KCTD18: variants seen among roughly 807,000 people sequenced by gnomAD.
The protein encoded by KCTD18 is BTB/POZ domain-containing protein KCTD18.
Under a neutral mutation model 30.4 loss-of-function variants are expected in KCTD18, and 22 were observed. The ratio of observed to expected loss-of-function variants is 0.72; its 90% CI spans 0.52 to 1.03. The LOEUF (loss-of-function observed/expected upper bound fraction) is 1.03, where lower values mean the gene tolerates loss of function less well. Ranked by LOEUF, KCTD18 falls within the 50% of genes least tolerant of loss-of-function variation. KCTD18 has a pLI of 0.00. For synonymous variants in KCTD18, 186 were observed against 209.0 expected, an observed-to-expected ratio of 0.89 and a Z score of 0.95; for missense variants, 529 against 547.6, an observed-to-expected ratio of 0.97 and a Z score of 0.34.
Position 200,495,367 on chromosome 2 carries a change from G to A in KCTD18, c.662-2093C>T, listed in dbSNP as rs568213629. ...AACCCTCAATCATTAGACATTTAAA[G>A]TGTTTTTATTTTGTCTCTATTATGA... is the stretch of plus-strand genomic sequence containing the variant. On this transcript the variant is annotated intron_variant, in intron 5 of 6. Coordinates refer to ENST00000359878, the MANE Select transcript of KCTD18 (RefSeq NM_152387.4). Among the ~76,000 whole-genome samples the A allele has an allele frequency of 2.2e-3, 331 of 152,234 alleles. 1 individual carries two copies. Among genetic ancestry groups the A allele is most frequent in the African/African-American group, 7.6e-3 (316 of 41,540 alleles).
chr2:200,493,681 T>C (rs1029430678), intron 5 of KCTD18, among the ~76,000 whole-genome samples: 1 of 152,230 alleles, frequency 6.6e-6, no homozygotes, highest in Non-Finnish European at 1.5e-5. Context: ...ACAATAATAG[T>C]ATGTACCTTG....
chr2:200,490,209 A>G lies in KCTD18; in HGVS notation c.1172T>C (p.Leu391Pro), dbSNP rs1402989903. Residue 391 changes from leucine (L) to proline (P), a missense_variant, in exon 7 of 7, where the codon CTG (leucine) becomes CCG (proline). Physicochemically the swap from Leu to Pro is moderately conservative, Grantham distance 98. Transcript: ENST00000359878. ...CTGCCTCGTGGCCGTGGGGGAGGGC[A>G]GGCAAGGCGCGGTGGCGCACAGCGG... ...RTPLCATAPC[L>P]PSPTATRQAN... 6 of 1,613,932 alleles carry G rather than the reference A, an allele frequency of 3.7e-6. No individual in the cohort carries two copies. Among genetic ancestry groups the G allele is most frequent in the Non-Finnish European group, 5.1e-6 (6 of 1,179,890 alleles).
intron 6 of KCTD18, among the ~76,000 whole-genome samples, chr2:200,492,903 C>T (rs1461854301): frequency 1.6e-5 from 2 of 121,300 alleles, no homozygotes; most frequent in Non-Finnish European, 2.0e-5. Context: ...CCACAGCATG[C>T]CCACTGTGTC....
chr2:200,500,040 T>C (rs1382757057), intron 3 of KCTD18, among the ~76,000 whole-genome samples: 1 of 152,030 alleles, frequency 6.6e-6, no homozygotes, highest in African/African-American at 2.4e-5. Context: ...CACATGATTA[T>C]CTCAATAGAT....
chr2:200,492,827 A>G (rs2087939357), intron 6 of KCTD18, among the ~76,000 whole-genome samples: 2 of 112,904 alleles, frequency 1.8e-5, no homozygotes, highest in Admixed American at 8.5e-5. Context: ...TTAAGTCTAA[A>G]TAGATTTTTT....
chr2:200,502,426 A>C (rs889181404), intron 3 of KCTD18, among the ~76,000 whole-genome samples: 2 of 152,178 alleles, frequency 1.3e-5, no homozygotes, highest in Non-Finnish European at 2.9e-5. Context: ...TCTACTGACT[A>C]ACCCCATGGT....
chr2:200,506,901 G>A lies in KCTD18; in HGVS notation c.116C>T (p.Ala39Val), dbSNP rs2030229856. The change falls in exon 2 of 7, where the codon GCA (alanine) becomes GTA (valine). Residue 39 changes from alanine (A) to valine (V), a missense_variant. Transcript: ENST00000359878. ...SLCRFKDSML[A>V]SMFSGRFPLK... ...AGGAAAGCGACCACTGAACATAGAT[G>A]CCAACATGGAGTCCTTGAAGCGGCA... 6.2e-7 allele frequency: 1 copy of A among 1,613,806 alleles called. No homozygotes were observed.
At chr2:200,492,337 TC>T (rs1288622706) in intron 6 of KCTD18, among the ~76,000 whole-genome samples, 2 of 152,068 alleles carry the variant, frequency 1.3e-5, no homozygotes, top group Admixed American at 1.3e-4. Context: ...TTGTCAAATA[TC>T]CCCTGGAAGG....
At chr2:200,498,047 T>C (rs945452391) in intron 4 of KCTD18, among the ~76,000 whole-genome samples, 200 bp from the exon 5 acceptor site, 3 of 147,086 alleles carry the variant, frequency 2.0e-5, no homozygotes, top group Non-Finnish European at 4.6e-5. Context: ...TACTAACCTA[T>C]ATTTTGATCT....
In KCTD18 at chr2:200,507,032, C is replaced by G; in HGVS notation, c.-16G>C. ...GGCCTTCCATTTCTCCCCCAGGCAC[C>G]TGAATTTTTGCCGCCCAACACTTTC... On this transcript the variant is annotated 5_prime_UTR_variant, in exon 2 of 7. Coordinates refer to ENST00000359878, the MANE Select transcript of KCTD18 (RefSeq NM_152387.4). 6.3e-7 allele frequency: 1 copy of G among 1,592,506 alleles called. No homozygotes were observed. Among genetic ancestry groups the G allele is most frequent in the Non-Finnish European group, 8.6e-7 (1 of 1,166,222 alleles).
chr2:200,492,895 A>G (rs1460356952), intron 6 of KCTD18, among the ~76,000 whole-genome samples: 1 of 145,062 alleles, frequency 6.9e-6, no homozygotes, highest in Non-Finnish European at 1.5e-5. Flanking sequence ...AATATTTACC[A>G]CAGCATGCCC....
chr2:200,500,203 C>G (rs1186729738), intron 3 of KCTD18, among the ~76,000 whole-genome samples: 1 of 150,494 alleles, frequency 6.6e-6, no homozygotes, highest in Non-Finnish European at 1.5e-5. Context: ...TGGAAGCATT[C>G]CCTTTGAAAA....
chr2:200,490,758 T>C, intron 6 of KCTD18, 142 bp from the exon 7 acceptor site: 2 of 770,028 alleles, frequency 2.6e-6, no homozygotes, highest in Non-Finnish European at 4.0e-6. Flanking sequence ...ACCTACCTCA[T>C]CTCTCATCTC....
At chr2:200,504,056 A>G (rs2106283721) in intron 3 of KCTD18, among the ~76,000 whole-genome samples, 1 of 152,356 alleles carries the variant, frequency 6.6e-6, no homozygotes, top group Middle Eastern at 3.4e-3. Context: ...TACACTTACT[A>G]AATCAAGTAA....
rs1360377501 is a variant in KCTD18, at chr2:200,490,281, G to A, written c.1100C>T (p.Ser367Phe). The change falls in exon 7 of 7, where the codon TCC becomes TTC. Residue 367 changes from serine to phenylalanine, a missense_variant. Coordinates refer to ENST00000359878, the MANE Select transcript of KCTD18 (RefSeq NM_152387.4). The part of the protein sequence containing the change: ...THLPPAKVLL[S>F]DKKPTPQRVI... ...CCGCTGGGGTGTAGGCTTCTTGTCG[G>A]AGAGTAGCACCTTAGCTGGAGGTAA... 1.9e-6 allele frequency: 3 copies of A among 1,614,248 alleles called. No homozygotes were observed. Among genetic ancestry groups the A allele is most frequent in the Non-Finnish European group, 2.5e-6 (3 of 1,180,040 alleles).
intron 5 of KCTD18, among the ~76,000 whole-genome samples, chr2:200,495,270 T>C (rs1018378598): frequency 5.3e-5 from 8 of 152,244 alleles, no homozygotes; most frequent in African/African-American, 1.4e-4. Context: ...CATTCATCTA[T>C]GCAAAAAGTT....
chr2:200,498,833 C>T, intron 4 of KCTD18, 58 bp downstream of exon 4: 2 of 1,463,806 alleles, frequency 1.4e-6, no homozygotes, highest in East Asian at 2.3e-5. Context: ...TCAGAAACAC[C>T]TCTTAAAAGA....
chr2:200,497,282 G>T (rs1417372907), intron 5 of KCTD18: 1 of 159,622 alleles, frequency 6.3e-6, no homozygotes, highest in African/African-American at 2.4e-5. Context: ...CTACTTATCG[G>T]GGATATAAAA....
intron 5 of KCTD18, chr2:200,497,230 G>C (rs1385057754): frequency 6.5e-6 from 1 of 153,352 alleles, no homozygotes; most frequent in Non-Finnish European, 1.4e-5. Context: ...ATGGTAAGTA[G>C]CGTACAGGAT....
Sources: allele counts gnomAD v4.1 joint callset (sites outside exome capture counted in the v4.1 genomes callset), GRCh38; gene constraint gnomAD v4.1.1; transcripts MANE v1.5; gene names NCBI Gene and HGNC (gene_info 2026-07-23, HGNC 2026-07-21).